Variants in MRPL19 observed in about 807,000 individuals in gnomAD.
MRPL19 encodes mitochondrial ribosomal protein L19.
Under a neutral mutation model 34.0 loss-of-function variants are expected in MRPL19, and 31 were observed. That is an observed-to-expected ratio of 0.91 (90% confidence interval 0.68 to 1.23). MRPL19 has a LOEUF of 1.23. MRPL19 is among the 50% of genes most tolerant of loss of function. The pLI, the probability that MRPL19 is intolerant of heterozygous loss-of-function variation, is 0.00. For synonymous variants in MRPL19, 152 were observed against 127.7 expected (o/e 1.19, Z -1.28); for missense variants, 384 against 367.6 (o/e 1.04, Z -0.37).
At chr2:75,652,999 C>T (rs1678363967) in intron 4 of MRPL19, among the ~76,000 whole-genome samples, 2 of 152,168 alleles carry the variant, frequency 1.3e-5, no homozygotes, top group Non-Finnish European at 2.9e-5. Flanking sequence ...AACTTTAAGA[C>T]AAACCTTTAA....
At chr2:75,648,625 C>T (rs58565531) in intron 2 of MRPL19, among the ~76,000 whole-genome samples, 52,476 of 151,412 alleles carry the variant, frequency 0.35, 9,436 homozygotes, top group East Asian at 0.54. Context: ...TTTGGGAGGC[C>T]GAGGAGGGCA....
chr2:75,647,074 T>G, intron 1 of MRPL19, 28 bp from the exon 2 acceptor site: 1 of 1,560,486 alleles, frequency 6.4e-7, no homozygotes, highest in South Asian at 1.2e-5. Flanking sequence ...GGCACGAGAG[T>G]TCTGACCTCC....
chr2:75,652,056 CAT>C (rs919466267), intron 2 of MRPL19, 84 bp from the exon 3 acceptor site: 1 of 705,378 alleles, frequency 1.4e-6, no homozygotes, highest in Admixed American at 2.7e-5. Context: ...ACATCAATAT[CAT>C]ATTTAATTTC....
Position 75,655,593 on chromosome 2 carries a change from T to A in MRPL19, c.*308T>A. 5.4e-6 allele frequency: 1 copy of A among 186,000 alleles called. No homozygotes were observed. Among genetic ancestry groups the A allele is most frequent in the Non-Finnish European group, 1.1e-5 (1 of 91,408 alleles). The allele number at this position is 186,000 out of a possible 1,614,324, so 11.5% of individuals were successfully genotyped here. On this transcript the variant is annotated 3_prime_UTR_variant, in exon 6 of 6. Transcript: ENST00000393909. ...GAGCAAAGGGAATAGGTGGGATGAA[T>A]TTTTTTTTTAATTGTGAAACAATTC...
At chr2:75,653,629 T>A (rs1435113138) in intron 4 of MRPL19, among the ~76,000 whole-genome samples, 1 of 152,222 alleles carries the variant, frequency 6.6e-6, no homozygotes, top group Non-Finnish European at 1.5e-5. Flanking sequence ...TAGTGTTTCC[T>A]TCTTGTTCGG....
chr2:75,651,191 C>T (rs1174948839), intron 2 of MRPL19: 2 of 369,324 alleles, frequency 5.4e-6, no homozygotes, highest in African/African-American at 2.1e-5. Context: ...ATCCTACTTT[C>T]TCTTCAGTTC....
rs534451643 is a variant in MRPL19, at chr2:75,648,816, C to G, written c.221+1597C>G. Among the ~76,000 whole-genome samples the G allele has an allele frequency of 4.3e-4, 66 of 152,292 alleles. 1 individual carries two copies. The highest frequency in any genetic ancestry group is 1.5e-3 in the African/African-American group (62 of 41,566). On this transcript the variant is annotated intron_variant, in intron 2 of 5. Coordinates refer to ENST00000393909, the MANE Select transcript of MRPL19 (RefSeq NM_014763.4). ...CACAGGATGCCGAGGTTGCAGTGAGCCGAGATCGTGCCACTGCACTCCAGC... is the reference window on the plus strand; with the variant it reads ...CACAGGATGCCGAGGTTGCAGTGAGGCGAGATCGTGCCACTGCACTCCAGC...
rs1463905564 is a variant in MRPL19, at chr2:75,656,453, T to G, written c.*1168T>G. The G allele has an allele frequency of 6.6e-6, 1 of 152,156 alleles. No individual in the cohort carries two copies. The highest frequency in any genetic ancestry group is 1.5e-5 in the Non-Finnish European group (1 of 68,008). 9.4% of individuals were successfully genotyped at this position (152,156 alleles called of 1,614,324 possible). On this transcript the variant is annotated 3_prime_UTR_variant, in exon 6 of 6. Coordinates refer to ENST00000393909, the MANE Select transcript of MRPL19 (RefSeq NM_014763.4). ...AACTTCTTTCCTGCGCTCAGCTGTT[T>G]TCTGGATTCCATGTTTTCCATTTTA...
At position 75,657,457 on chromosome 2, in the gene MRPL19, G is replaced by A. The variant is rs528354268; in HGVS notation, c.*2172G>A. The A allele has an allele frequency of 1.3e-5, 2 of 152,152 alleles. No individual in the cohort carries two copies. The highest frequency in any genetic ancestry group is 2.9e-5 in the Non-Finnish European group (2 of 67,988). The allele number at this position is 152,152 out of a possible 1,614,324, so 9.4% of individuals were successfully genotyped here. A position where few individuals can be genotyped will look rare whatever the true frequency, so the allele number is the denominator to read the frequency against. On this transcript the variant is annotated 3_prime_UTR_variant, in exon 6 of 6. Transcript: ENST00000393909. The stretch of plus-strand genomic sequence containing the variant: ...GATCTTTTTCACTAATGATTATATA[G>A]TCATCTAACTACTGTCAACAAGTAA...
Position 75,646,917 on chromosome 2 carries a change from G to T in MRPL19, c.103+7G>T. On this transcript the variant is annotated splice_region_variant and intron_variant, in intron 1 of 5. Coordinates refer to ENST00000393909, the MANE Select transcript of MRPL19 (RefSeq NM_014763.4). ...CCGGCCTCTATCGCCTGCAGTAAGT[G>T]GAGCCGGACTTGCGAGCTGGGGCGC... The T allele has an allele frequency of 6.3e-7, 1 of 1,576,034 alleles. No homozygotes were observed. The highest frequency in any genetic ancestry group is 8.6e-7 in the Non-Finnish European group (1 of 1,162,246).
chr2:75,654,489 C>G (rs944243061), intron 4 of MRPL19, among the ~76,000 whole-genome samples: 5 of 152,136 alleles, frequency 3.3e-5, no homozygotes, highest in African/African-American at 4.8e-5. Context: ...CAACATATTT[C>G]TAGAAGCCAT....
rs1008816235 is a variant in MRPL19 at position 75,660,388 on chromosome 2, G to A, written c.*5103G>A. ...TGGTTTTCATTATTTTGTTTTCAAT[G>A]AGCCATACTTTCCTGTGTCTTTGTA... On this transcript the variant is annotated 3_prime_UTR_variant, in exon 6 of 6. Coordinates refer to ENST00000393909, the MANE Select transcript of MRPL19 (RefSeq NM_014763.4). The A allele has an allele frequency of 1.3e-5, 2 of 152,072 alleles. No homozygotes were observed. The highest frequency in any genetic ancestry group is 4.8e-5 in the African/African-American group (2 of 41,398). The allele number at this position is 152,072 out of a possible 1,614,324, so 9.4% of individuals were successfully genotyped here. A position where few individuals can be genotyped will look rare whatever the true frequency, so the allele number is the denominator to read the frequency against.
rs913764790 is a variant in MRPL19 at position 75,658,953 on chromosome 2, G to GT, written c.*3674dup. ...GCATATCACTATCTTGTTTTGTTTTGTTTTTTCTGTCCATTCTGCCAATTT... is the reference window on the plus strand; with the variant it reads ...GCATATCACTATCTTGTTTTGTTTTGTTTTTTTCTGTCCATTCTGCCAATTT... On this transcript the variant is annotated 3_prime_UTR_variant, in exon 6 of 6. Coordinates refer to ENST00000393909, the MANE Select transcript of MRPL19 (RefSeq NM_014763.4). 7.9e-5 allele frequency among the ~76,000 whole-genome samples: 12 copies of GT among 151,706 alleles called. No individual in the cohort carries two copies. The highest frequency in any genetic ancestry group is 2.0e-4 in the Admixed American group (3 of 15,212).
At chr2:75,649,034 T>C (rs1159733354) in intron 2 of MRPL19, among the ~76,000 whole-genome samples, 1 of 152,224 alleles carries the variant, frequency 6.6e-6, no homozygotes, top group African/African-American at 2.4e-5. Flanking sequence ...TCTCCTGATG[T>C]GACAGAATAA....
rs771451566 is a variant in MRPL19 at position 75,654,826 on chromosome 2, A to G, written c.566A>G (p.Tyr189Cys). 1.9e-6 allele frequency: 3 copies of G among 1,613,912 alleles called. No homozygotes were observed. The South Asian group carries it at 3.3e-5, about 18-fold the overall frequency. Residue 189 changes from tyrosine to cysteine, a missense_variant, in exon 5 of 6, where the codon TAC becomes TGC. Coordinates refer to ENST00000393909, the MANE Select transcript of MRPL19 (RefSeq NM_014763.4). Reference protein sequence around the residue: ...LEKRLDDSLLYLRDALPEYST... With the variant: ...LEKRLDDSLLCLRDALPEYST... ...AAACGGCTGGATGATAGCTTGCTAT[A>G]CTTACGAGATGCCCTTCCTGAATAT... is the stretch of plus-strand genomic sequence containing the variant.
chr2:75,652,263 C>A lies in MRPL19; in HGVS notation c.340+3C>A. On this transcript the variant is annotated splice_donor_region_variant and intron_variant, in intron 3 of 5. Coordinates refer to ENST00000393909, the MANE Select transcript of MRPL19 (RefSeq NM_014763.4). Reference sequence around the variant, plus strand: ...CCACATTCCAGAGTTCTATGTTGGTCAGTAAGAGCTGTATGTTTTTATTAT... The same window carrying A: ...CCACATTCCAGAGTTCTATGTTGGTAAGTAAGAGCTGTATGTTTTTATTAT... 3.3e-6 allele frequency: 5 copies of A among 1,515,840 alleles called. No individual in the cohort carries two copies. In the South Asian group the frequency reaches 5.9e-5, roughly 18 times the overall value. 93.9% of individuals were successfully genotyped at this position (1,515,840 alleles called of 1,614,324 possible). A position where few individuals can be genotyped will look rare whatever the true frequency, so the allele number is the denominator to read the frequency against.
rs1678279036 is a variant in MRPL19, at chr2:75,649,121, A to C, written c.221+1902A>C. On this transcript the variant is annotated intron_variant, in intron 2 of 5. Transcript: ENST00000393909. ...GTCTAGGCATGTGGAAACAATCCAG[A>C]ATCCAGAGATGAGATAGTAGGCCTT... Among the ~76,000 whole-genome samples, 2 of 152,230 alleles carry C rather than the reference A, an allele frequency of 1.3e-5. 1 individual carries two copies. The highest frequency in any genetic ancestry group is 4.1e-4 in the South Asian group (2 of 4,830).
At position 75,661,452 on chromosome 2, in the gene MRPL19, A is replaced by C. The variant is rs1678618706; in HGVS notation, c.*6167A>C. 6.6e-6 allele frequency: 1 copy of C among 151,956 alleles called. No homozygotes were observed. The highest frequency in any genetic ancestry group is 6.6e-5 in the Admixed American group (1 of 15,220). The allele number at this position is 151,956 out of a possible 1,614,324, so 9.4% of individuals were successfully genotyped here. A position where few individuals can be genotyped will look rare whatever the true frequency, so the allele number is the denominator to read the frequency against. On this transcript the variant is annotated 3_prime_UTR_variant, in exon 6 of 6. Transcript: ENST00000393909. ...GCTGCAATTACACGCGTGAACCACC[A>C]CACCCAGCCCCTGCTTGTTTTTCAA...
At position 75,650,773 on chromosome 2, in the gene MRPL19, G is replaced by T. The variant is rs184221043; in HGVS notation, c.222-1369G>T. ...GGGAAAAGCAAGAATTATTAAACGT[G>T]GTCAAGGAGCGAAGAGCACTATGAA... On this transcript the variant is annotated intron_variant, in intron 2 of 5. Transcript: ENST00000393909. Among the ~76,000 whole-genome samples, 23 of 152,218 alleles carry T rather than the reference G, an allele frequency of 1.5e-4. No individual in the cohort carries two copies. In the East Asian group the frequency reaches 4.5e-3, roughly 29 times the overall value.
Sources: allele counts gnomAD v4.1 joint callset (sites outside exome capture counted in the v4.1 genomes callset), GRCh38; gene constraint gnomAD v4.1.1; transcripts MANE v1.5; gene names NCBI Gene and HGNC (gene_info 2026-07-23, HGNC 2026-07-21).